Variants in MAP2 observed in about 807,000 individuals in gnomAD.
MAP2 encodes the protein microtubule-associated protein 2.
In MAP2, 14 loss-of-function variants were observed where a neutral mutation model predicts 137.6. The observed-to-expected ratio is 0.10, with a 90% CI of 0.07 to 0.16. The LOEUF (loss-of-function observed/expected upper bound fraction) is 0.16, where lower values mean the gene tolerates loss of function less well. MAP2 is among the 10% of genes least tolerant of loss of function. MAP2 has a pLI of 1.00. For synonymous variants in MAP2, 786 were observed against 782.3 expected (o/e 1.00, Z -0.08); for missense variants, 2,088 against 2,191.5 (o/e 0.95, Z 0.94).
At chr2:209,699,087 G>A (rs550384834) in intron 10 of MAP2, among the ~76,000 whole-genome samples, 40 of 152,162 alleles carry the variant, frequency 2.6e-4, no homozygotes, top group Non-Finnish European at 4.7e-4. Context: ...TTAGGAGAAA[G>A]CATGTATCAG....
At chr2:209,648,204 C>T (rs2094533537) in intron 4 of MAP2, among the ~76,000 whole-genome samples, 1 of 151,460 alleles carries the variant, frequency 6.6e-6, no homozygotes, top group Non-Finnish European at 1.5e-5. Context: ...CAGGTTCAAG[C>T]AATTCTTCTG....
intron 1 of MAP2, among the ~76,000 whole-genome samples, chr2:209,427,377 A>T (rs963782483): frequency 2.0e-5 from 3 of 152,222 alleles, no homozygotes; most frequent in African/African-American, 4.8e-5. Flanking sequence ...AGATTAGTTA[A>T]AGATGCTAAT....
At chr2:209,602,290 A>G (rs956198967) in intron 3 of MAP2, among the ~76,000 whole-genome samples, 2 of 152,246 alleles carry the variant, frequency 1.3e-5, no homozygotes, top group Non-Finnish European at 2.9e-5. Flanking sequence ...TAAAAGACAA[A>G]TGTAAAAACT....
At chr2:209,564,219 G>A (rs2072864976) in intron 2 of MAP2, among the ~76,000 whole-genome samples, 1 of 152,184 alleles carries the variant, frequency 6.6e-6, no homozygotes, top group Non-Finnish European at 1.5e-5. Flanking sequence ...ATCTGTAAGT[G>A]TAGAAGACAT....
At chr2:209,503,201 A>G (rs183205310) in intron 1 of MAP2, among the ~76,000 whole-genome samples, 7 of 151,938 alleles carry the variant, frequency 4.6e-5, no homozygotes, top group Admixed American at 1.3e-4. Context: ...GGGTTTCTCC[A>G]TGTTTCCCAG....
chr2:209,606,431 G>A (rs2084774983), intron 3 of MAP2, among the ~76,000 whole-genome samples: 1 of 152,122 alleles, frequency 6.6e-6, no homozygotes, highest in Non-Finnish European at 1.5e-5. Flanking sequence ...GGTAGCTGAG[G>A]TGGGAAGATA....
At chr2:209,446,603 T>C (rs1221599867) in intron 1 of MAP2, among the ~76,000 whole-genome samples, 1 of 151,942 alleles carries the variant, frequency 6.6e-6, no homozygotes, top group East Asian at 1.9e-4. Flanking sequence ...AAAAAATTTA[T>C]GGTAATACCA....
intron 11 of MAP2, among the ~76,000 whole-genome samples, chr2:209,702,973 T>C (rs2062205706): frequency 6.6e-6 from 1 of 152,118 alleles, no homozygotes; most frequent in Non-Finnish European, 1.5e-5. Flanking sequence ...TCTATATTTT[T>C]AACAGTCACC....
At position 209,694,852 on chromosome 2, in the gene MAP2, T is replaced by A; in HGVS notation, c.2682T>A (p.Gly894=). ...QDSENLSGES[G]TFYEGTDDKV... ...GTGAGAATTTATCAGGGGAGAGTGG[T>A]ACCTTTTACGAAGGCACTGATGATA... The change falls in exon 8 of 16, where the codon GGT becomes GGA. Residue 894 remains glycine (G), a synonymous_variant. Transcript: ENST00000682079. 1 of 1,614,194 alleles carries A rather than the reference T, an allele frequency of 6.2e-7. No homozygotes were observed. Among genetic ancestry groups the A allele is most frequent in the Non-Finnish European group, 8.5e-7 (1 of 1,180,026 alleles).
chr2:209,448,696 A>T (rs1394094207), intron 1 of MAP2, among the ~76,000 whole-genome samples: 1 of 152,068 alleles, frequency 6.6e-6, no homozygotes, highest in African/African-American at 2.4e-5. Context: ...CTCCTTTTTC[A>T]CATGGACTTC....
intron 13 of MAP2, among the ~76,000 whole-genome samples, chr2:209,715,888 C>T (rs901115457): frequency 3.4e-4 from 52 of 152,104 alleles, no homozygotes; most frequent in Admixed American, 1.2e-3. Context: ...AATAACAGGA[C>T]TTTCATATTG....
At chr2:209,715,365 T>G (rs1441898995) in intron 13 of MAP2, among the ~76,000 whole-genome samples, 1 of 152,112 alleles carries the variant, frequency 6.6e-6, no homozygotes, top group Non-Finnish European at 1.5e-5. Flanking sequence ...TTTCTTTACT[T>G]GACCATTGAG....
intron 2 of MAP2, among the ~76,000 whole-genome samples, chr2:209,526,680 A>C (rs1052680673): frequency 2.0e-5 from 3 of 148,492 alleles, no homozygotes; most frequent in Non-Finnish European, 3.0e-5. Context: ...TCTTCATACT[A>C]GATCCTTGCA....
chr2:209,613,255 A>G (rs935525788), intron 3 of MAP2, among the ~76,000 whole-genome samples: 2 of 80,306 alleles, frequency 2.5e-5, no homozygotes. Context: ...TTCTATTTTT[A>G]TTTATTTATT....
intron 5 of MAP2, among the ~76,000 whole-genome samples, chr2:209,663,894 C>A (rs1186063687): frequency 6.6e-6 from 1 of 152,142 alleles, no homozygotes; most frequent in Non-Finnish European, 1.5e-5. Context: ...GTGGTGTTTT[C>A]ATTCCCATGC....
chr2:209,608,758 T>C (rs2085691292), intron 3 of MAP2, among the ~76,000 whole-genome samples: 2 of 152,134 alleles, frequency 1.3e-5, no homozygotes, highest in African/African-American at 2.4e-5. Context: ...CAATTAGGAT[T>C]CCATCCCCTC....
intron 2 of MAP2, among the ~76,000 whole-genome samples, chr2:209,576,529 G>A (rs1451677514): frequency 6.6e-6 from 1 of 152,038 alleles, no homozygotes; most frequent in Non-Finnish European, 1.5e-5. Flanking sequence ...TTACAGGCAT[G>A]AACCACCATG....
intron 7 of MAP2, among the ~76,000 whole-genome samples, chr2:209,684,237 G>T (rs1214015631): frequency 6.6e-6 from 1 of 152,208 alleles, no homozygotes; most frequent in Non-Finnish European, 1.5e-5. Flanking sequence ...GATTCTTTCT[G>T]CCCTTTTAGG....
At chr2:209,614,571 A>G (rs2088400503) in intron 3 of MAP2, among the ~76,000 whole-genome samples, 2 of 152,202 alleles carry the variant, frequency 1.3e-5, no homozygotes. Context: ...AGATCGAGAT[A>G]TATTTCAAGG....
Sources: allele counts gnomAD v4.1 joint callset (sites outside exome capture counted in the v4.1 genomes callset), GRCh38; gene constraint gnomAD v4.1.1; transcripts MANE v1.5; gene names NCBI Gene and HGNC (gene_info 2026-07-23, HGNC 2026-07-21).